Variants in DGKB observed in about 807,000 individuals in gnomAD.
DGKB encodes diacylglycerol kinase beta.
A neutral mutation model predicts 114.3 loss-of-function variants in DGKB; 67 were observed. That is an observed-to-expected ratio of 0.59 (90% confidence interval 0.48 to 0.72). The LOEUF is 0.72. DGKB is among the 30% of genes least tolerant of loss of function. The pLI is 0.00. For missense variants in DGKB, 907 were observed against 975.2 expected (o/e 0.93, Z 0.93); for synonymous variants, 398 against 323.1 (o/e 1.23, Z -2.49).
chr7:14,868,441 TCTC>T (rs1366254626), intron 1 of DGKB, among the ~76,000 whole-genome samples: 1 of 151,924 alleles, frequency 6.6e-6, no homozygotes, highest in African/African-American at 2.4e-5. Flanking sequence ...TTCAAGCGAT[TCTC>T]CTGCCCCAGC....
At chr7:14,835,695 T>C (rs187434046) in intron 2 of DGKB, among the ~76,000 whole-genome samples, 33 of 152,296 alleles carry the variant, frequency 2.2e-4, no homozygotes, top group Admixed American at 2.1e-3. Context: ...CAAGTCTCTC[T>C]CTCTCTCCCC....
At chr7:14,647,414 A>G (rs1452828082) in intron 13 of DGKB, among the ~76,000 whole-genome samples, 6 of 152,184 alleles carry the variant, frequency 3.9e-5, no homozygotes, top group Non-Finnish European at 7.3e-5. Context: ...TTAAAGACAA[A>G]CGAAACCAAT....
intron 2 of DGKB, among the ~76,000 whole-genome samples, chr7:14,780,243 C>A (rs544929927): frequency 6.6e-6 from 1 of 152,288 alleles, no homozygotes; most frequent in Non-Finnish European, 1.5e-5. Context: ...ACCCACAGAT[C>A]TGGAAAATTC....
At position 14,714,263 on chromosome 7, in the gene DGKB, A is replaced by G. The variant is rs547471566; in HGVS notation, c.466+4279T>C. Among the ~76,000 whole-genome samples the G allele has an allele frequency of 7.0e-4, 107 of 152,226 alleles. 1 individual carries two copies. The highest frequency in any genetic ancestry group is 2.4e-3 in the African/African-American group (100 of 41,546). On this transcript the variant is annotated intron_variant, in intron 6 of 25. Coordinates refer to ENST00000402815, the MANE Select transcript of DGKB (RefSeq NM_001350709.2). ...GGGGGTTGAAACCCAGCAATTGCACATTGTAATCAAAGGGATCAAAGTGGA... is the reference window on the plus strand; with the variant it reads ...GGGGGTTGAAACCCAGCAATTGCACGTTGTAATCAAAGGGATCAAAGTGGA...
intron 20 of DGKB, among the ~76,000 whole-genome samples, chr7:14,514,957 T>A (rs1788552831): frequency 3.3e-5 from 5 of 152,030 alleles, no homozygotes; most frequent in Admixed American, 1.3e-4. Flanking sequence ...GGTGGGAGGA[T>A]CACTTGAACC....
chr7:14,707,111 G>A (rs201949955), intron 6 of DGKB, among the ~76,000 whole-genome samples: 58,990 of 115,838 alleles, frequency 0.51, 15,889 homozygotes, highest in East Asian at 0.83. Context: ...TCAAATAGAC[G>A]CAATAAAAAA....
intron 1 of DGKB, among the ~76,000 whole-genome samples, chr7:14,843,336 T>A (rs1483408397): frequency 2.4e-5 from 3 of 124,804 alleles, no homozygotes; most frequent in Non-Finnish European, 5.0e-5. Flanking sequence ...TTTTTTTTTT[T>A]TTTTTTTTTG....
At chr7:14,611,438 A>G (rs1805521910) in intron 16 of DGKB, among the ~76,000 whole-genome samples, 1 of 152,148 alleles carries the variant, frequency 6.6e-6, no homozygotes, top group Non-Finnish European at 1.5e-5. Flanking sequence ...AACTTATCTA[A>G]CATATCAAAG....
At chr7:14,400,560 T>C (rs572143148) in intron 21 of DGKB, among the ~76,000 whole-genome samples, 15 of 151,900 alleles carry the variant, frequency 9.9e-5, no homozygotes, top group African/African-American at 3.6e-4. Flanking sequence ...ATGGTAAAAA[T>C]AATCCTGCTT....
intron 17 of DGKB, among the ~76,000 whole-genome samples, chr7:14,588,302 G>GT (rs930615915): frequency 6.6e-6 from 1 of 151,476 alleles, no homozygotes; most frequent in Non-Finnish European, 1.5e-5. Context: ...CAAATTTAAA[G>GT]TTTTTTCTTT....
intron 20 of DGKB, among the ~76,000 whole-genome samples, chr7:14,505,994 A>T (rs73055347): frequency 0.013 from 1,921 of 152,262 alleles, 29 homozygotes; most frequent in Admixed American, 0.025. Flanking sequence ...AAGTGTAAGT[A>T]ATACAAAGCA....
chr7:14,928,567 T>C (rs1784855604), intron 1 of DGKB, among the ~76,000 whole-genome samples: 1 of 152,122 alleles, frequency 6.6e-6, no homozygotes, highest in East Asian at 1.9e-4. Context: ...TGTGTGCAAT[T>C]TGTCAGAGAA....
At chr7:14,956,074 T>G (rs1314860186) in intron 1 of DGKB, among the ~76,000 whole-genome samples, 1 of 151,884 alleles carries the variant, frequency 6.6e-6, no homozygotes, top group Non-Finnish European at 1.5e-5. Context: ...TATCAAAATA[T>G]AAAACAAATA....
chr7:14,916,371 T>A (rs754808224), intron 1 of DGKB, among the ~76,000 whole-genome samples: 24 of 152,094 alleles, frequency 1.6e-4, no homozygotes, highest in African/African-American at 5.8e-4. Flanking sequence ...ATTTTTAATA[T>A]GATTGATCTA....
intron 1 of DGKB, among the ~76,000 whole-genome samples, chr7:14,900,343 C>A (rs757044420): frequency 1.3e-5 from 2 of 152,132 alleles, no homozygotes; most frequent in African/African-American, 4.8e-5. Context: ...TTGCTCTGGG[C>A]AAGTGCTCCT....
chr7:14,616,204 C>T (rs890615152), intron 15 of DGKB, among the ~76,000 whole-genome samples: 18 of 147,348 alleles, frequency 1.2e-4, no homozygotes, highest in Admixed American at 8.9e-4. Context: ...CATATATATA[C>T]ATATATATAA....
chr7:14,166,465 G>A (rs1406900701), intron 25 of DGKB, among the ~76,000 whole-genome samples: 1 of 152,168 alleles, frequency 6.6e-6, no homozygotes, highest in Non-Finnish European at 1.5e-5. Flanking sequence ...CAGCACGCAG[G>A]TAGTTCTAGC....
At chr7:14,844,571 C>T in intron 1 of DGKB, among the ~76,000 whole-genome samples, 1 of 152,130 alleles carries the variant, frequency 6.6e-6, no homozygotes, top group East Asian at 1.9e-4. Context: ...TCAGTATCTT[C>T]ATTGAGTTCC....
intron 2 of DGKB, among the ~76,000 whole-genome samples, chr7:14,821,147 A>C (rs1300741880): frequency 6.6e-6 from 1 of 152,122 alleles, no homozygotes; most frequent in East Asian, 1.9e-4. Context: ...AGAAGAGTTT[A>C]TTTTTGTATC....
Sources: allele counts gnomAD v4.1 joint callset (sites outside exome capture counted in the v4.1 genomes callset), GRCh38; gene constraint gnomAD v4.1.1; transcripts MANE v1.5; gene names NCBI Gene and HGNC (gene_info 2026-07-23, HGNC 2026-07-21).